Variants in C7orf78 observed in about 807,000 individuals in gnomAD.
C7orf78 encodes chromosome 7 open reading frame 78, also known as putative uncharacterized protein C7orf78.
At chr7:12,517,075 T>A in the C7orf78 span, among the ~76,000 whole-genome samples, 1 of 152,066 alleles carries the variant, frequency 6.6e-6, no homozygotes, top group Admixed American at 6.6e-5. Context: ...ATAGTTTAAC[T>A]GTGTCCCCAC....
the C7orf78 span, among the ~76,000 whole-genome samples, chr7:12,539,307 A>C: frequency 1.3e-5 from 2 of 152,110 alleles, no homozygotes; most frequent in Non-Finnish European, 2.9e-5. Flanking sequence ...TACTAAAAAT[A>C]CAAAAAATTA....
the C7orf78 span, among the ~76,000 whole-genome samples, chr7:12,534,190 G>A: frequency 6.6e-6 from 1 of 152,080 alleles, no homozygotes; most frequent in African/African-American, 2.4e-5. Context: ...CATTTCATTT[G>A]TACTAGCCCT....
chr7:12,540,005 C>A, the C7orf78 span, among the ~76,000 whole-genome samples: 2 of 152,118 alleles, frequency 1.3e-5, no homozygotes, highest in Non-Finnish European at 2.9e-5. Context: ...GCTTTAAGAA[C>A]AGAAAGGTCA....
At chr7:12,513,077 T>A in the C7orf78 span, among the ~76,000 whole-genome samples, 1 of 152,006 alleles carries the variant, frequency 6.6e-6, no homozygotes, top group Non-Finnish European at 1.5e-5. Context: ...TTATTCTATC[T>A]AGTGGTTCAT....
At chr7:12,525,746 G>A in the C7orf78 span, 4 of 392,548 alleles carry the variant, frequency 1.0e-5, no homozygotes, top group Admixed American at 8.9e-5. Flanking sequence ...TTAATATTAG[G>A]AAAAATCAAA....
At chr7:12,499,859 A>G in the C7orf78 span, among the ~76,000 whole-genome samples, 190 of 147,578 alleles carry the variant, frequency 1.3e-3, 1 homozygote, top group African/African-American at 4.3e-3. Flanking sequence ...ATGTAAAAGA[A>G]CAGAAATTAT....
chr7:12,519,144 A>G, the C7orf78 span, among the ~76,000 whole-genome samples: 37,384 of 151,938 alleles, frequency 0.25, 7,211 homozygotes, highest in African/African-American at 0.55. Flanking sequence ...CTGCAGGGGG[A>G]CAGGGTCACC....
At chr7:12,500,373 C>T in the C7orf78 span, among the ~76,000 whole-genome samples, 18 of 150,180 alleles carry the variant, frequency 1.2e-4, no homozygotes, top group East Asian at 5.9e-4. Context: ...ATCAAATAGA[C>T]GCAATAAAAA....
chr7:12,511,571 A>G, the C7orf78 span, among the ~76,000 whole-genome samples: 3 of 152,044 alleles, frequency 2.0e-5, no homozygotes, highest in African/African-American at 7.3e-5. Flanking sequence ...AGCTTTCCTT[A>G]TAGAGATCTT....
At chr7:12,497,657 A>G in the C7orf78 span, among the ~76,000 whole-genome samples, 1 of 152,022 alleles carries the variant, frequency 6.6e-6, no homozygotes, top group South Asian at 2.1e-4. Context: ...AGGCTGGGGG[A>G]GGGGCGCCCA....
At chr7:12,502,560 A>G in the C7orf78 span, among the ~76,000 whole-genome samples, 4 of 149,762 alleles carry the variant, frequency 2.7e-5, no homozygotes, top group Non-Finnish European at 4.5e-5. Context: ...TTAGAATGGC[A>G]ATCATTAAAA....
chr7:12,507,034 T>C, the C7orf78 span: 1 of 424,530 alleles, frequency 2.4e-6, no homozygotes, highest in Non-Finnish European at 4.7e-6. Flanking sequence ...CCGGGCGCGG[T>C]GTCACCCTGT....
the C7orf78 span, chr7:12,491,069 G>A: frequency 6.6e-6 from 1 of 152,080 alleles, no homozygotes; most frequent in Non-Finnish European, 1.5e-5. Context: ...ACAAGGAAAA[G>A]CTAAGACTTG....
At chr7:12,508,933 C>T in the C7orf78 span, among the ~76,000 whole-genome samples, 1 of 152,164 alleles carries the variant, frequency 6.6e-6, no homozygotes, top group African/African-American at 2.4e-5. Context: ...CTCAAGGCTC[C>T]CACCAATTCT....
chr7:12,497,938 G>GAC, the C7orf78 span, among the ~76,000 whole-genome samples: 5 of 136,958 alleles, frequency 3.7e-5, no homozygotes, highest in Non-Finnish European at 8.3e-5. Flanking sequence ...TGACCCCTGA[G>GAC]CAGCCTAACT....
chr7:12,509,144 T>G, the C7orf78 span, among the ~76,000 whole-genome samples: 1 of 152,188 alleles, frequency 6.6e-6, no homozygotes. Flanking sequence ...AAGGATGGTA[T>G]TTCTAAGATA....
the C7orf78 span, among the ~76,000 whole-genome samples, chr7:12,503,403 T>A: frequency 6.6e-6 from 1 of 152,080 alleles, no homozygotes; most frequent in Non-Finnish European, 1.5e-5. Flanking sequence ...TGTTCTTATC[T>A]TTTGGGGGTA....
chr7:12,535,792 A>G, the C7orf78 span, among the ~76,000 whole-genome samples: 1 of 152,222 alleles, frequency 6.6e-6, no homozygotes, highest in Non-Finnish European at 1.5e-5. Context: ...GGTCAAAACA[A>G]AGGGGCTACA....
the C7orf78 span, among the ~76,000 whole-genome samples, chr7:12,522,815 G>T: frequency 6.6e-6 from 1 of 152,146 alleles, no homozygotes; most frequent in Non-Finnish European, 1.5e-5. Context: ...TTGCAGCAAT[G>T]ATATTTTTTT....
Sources: allele counts gnomAD v4.1 joint callset (sites outside exome capture counted in the v4.1 genomes callset), GRCh38; gene constraint gnomAD v4.1.1; transcripts MANE v1.5; gene names NCBI Gene and HGNC (gene_info 2026-07-23, HGNC 2026-07-21).